The following FLT3 variants were observed in gnomAD, a reference collection of about 807,000 sequenced individuals.
The protein encoded by FLT3 is receptor-type tyrosine-protein kinase FLT3.
A neutral mutation model predicts 126.6 loss-of-function variants in FLT3; 46 were observed. The ratio of observed to expected loss-of-function variants is 0.36; its 90% CI spans 0.29 to 0.46. The LOEUF (loss-of-function observed/expected upper bound fraction) is 0.46, where lower values mean the gene tolerates loss of function less well. Ranked by LOEUF, FLT3 falls within the 20% of genes least tolerant of loss-of-function variation. The pLI, the probability that FLT3 is intolerant of heterozygous loss-of-function variation, is 1.00. For missense variants in FLT3, 1,069 were observed against 1,190.3 expected (o/e 0.90, Z 1.50); for synonymous variants, 404 against 434.4 (o/e 0.93, Z 0.87).
chr13:28,045,733 C>T (rs896786481), intron 9 of FLT3, among the ~76,000 whole-genome samples: 8 of 151,814 alleles, frequency 5.3e-5, no homozygotes, highest in African/African-American at 1.7e-4. Flanking sequence ...TGGTGGCATG[C>T]ACCTATAATC....
At chr13:28,015,527 G>GGGGGGGGGGC in intron 21 of FLT3, 63 bp downstream of exon 21, 1 of 644,478 alleles carries the variant, frequency 1.6e-6, no homozygotes, top group Non-Finnish European at 2.8e-6. Flanking sequence ...GGGTGGGGCG[G>GGGGGGGGGGC]CACCGAGAGA....
intron 1 of FLT3, among the ~76,000 whole-genome samples, chr13:28,087,798 C>G (rs952574554): frequency 6.6e-6 from 1 of 152,158 alleles, no homozygotes; most frequent in Non-Finnish European, 1.5e-5. Context: ...AATGTTTAAT[C>G]TGGTACTAAT....
At chr13:28,028,788 TTC>T (rs1873052903) in intron 15 of FLT3, among the ~76,000 whole-genome samples, 1 of 9,894 alleles carries the variant, frequency 1.0e-4, no homozygotes, top group Non-Finnish European at 3.7e-3. Context: ...TTTTCTTTCT[TTC>T]TTTTTTTTTG....
At chr13:28,032,006 G>A (rs184274107) in intron 15 of FLT3, among the ~76,000 whole-genome samples, 77 of 152,274 alleles carry the variant, frequency 5.1e-4, no homozygotes, top group Admixed American at 3.6e-3. Flanking sequence ...ATGGAGGGAC[G>A]AGGATGGAAT....
rs76935128 is a variant in FLT3, at chr13:28,098,762, C to G, written c.43+1706G>C. ...AAATAAATTATAAGATCTATTCATA[C>G]CACGGAATGGTACCAGCAATTAAAA... is the stretch of plus-strand genomic sequence containing the variant. On this transcript the variant is annotated intron_variant, in intron 1 of 23. Transcript: ENST00000241453. Among the ~76,000 whole-genome samples, 313 of 149,696 alleles carry G rather than the reference C, an allele frequency of 2.1e-3. 2 individuals carry two copies. Among genetic ancestry groups the G allele is most frequent in the African/African-American group, 7.6e-3 (299 of 39,384 alleles).
intron 2 of FLT3, among the ~76,000 whole-genome samples, chr13:28,069,055 C>T (rs752338662): frequency 6.6e-6 from 1 of 152,138 alleles, no homozygotes; most frequent in Non-Finnish European, 1.5e-5. Flanking sequence ...GGAGCCAGAG[C>T]CAGATTACTG....
intron 2 of FLT3, chr13:28,068,347 T>C (rs1311972597): frequency 6.6e-6 from 1 of 152,220 alleles, no homozygotes; most frequent in African/African-American, 2.4e-5. Context: ...GGTTTGGATG[T>C]GTGTCCCCTC....
At chr13:28,073,221 G>T (rs1177147296) in intron 1 of FLT3, among the ~76,000 whole-genome samples, 1 of 151,872 alleles carries the variant, frequency 6.6e-6, no homozygotes, top group Non-Finnish European at 1.5e-5. Context: ...TGCGCCTATA[G>T]TCCCAGCCCA....
intron 1 of FLT3, among the ~76,000 whole-genome samples, chr13:28,086,634 G>A (rs1878694393): frequency 1.3e-5 from 2 of 150,684 alleles, no homozygotes; most frequent in South Asian, 2.1e-4. Flanking sequence ...GTGTGTGTGT[G>A]TGTGTGTGTG....
At chr13:28,027,287 G>A in intron 16 of FLT3, 46 bp from the exon 17 acceptor site, 1 of 1,508,018 alleles carries the variant, frequency 6.6e-7, no homozygotes, top group Non-Finnish European at 9.1e-7. Context: ...AAAGCAAACT[G>A]TTATTTCAGA....
chr13:28,037,045 T>A, intron 10 of FLT3, 140 bp downstream of exon 10: 1 of 608,190 alleles, frequency 1.6e-6, no homozygotes, highest in Middle Eastern at 4.4e-4. Flanking sequence ...GATATGAGAG[T>A]AAAGTTTCAA....
chr13:28,061,523 T>C (rs1264353031), intron 3 of FLT3, among the ~76,000 whole-genome samples: 1 of 152,090 alleles, frequency 6.6e-6, no homozygotes, highest in Non-Finnish European at 1.5e-5. Context: ...CCCGGTACTT[T>C]TGAAGGCTGA....
intron 23 of FLT3, among the ~76,000 whole-genome samples, chr13:28,010,018 G>A (rs1593207528): frequency 6.6e-6 from 1 of 152,206 alleles, no homozygotes; most frequent in Admixed American, 6.5e-5. Flanking sequence ...TGCTCCCTCA[G>A]CGTGCCCATC....
chr13:28,012,707 G>C (rs561594463), intron 23 of FLT3, among the ~76,000 whole-genome samples: 3 of 152,060 alleles, frequency 2.0e-5, no homozygotes, highest in Non-Finnish European at 2.9e-5. Flanking sequence ...GGCTGAGGCA[G>C]GTGGACCACT....
At chr13:28,028,997 G>A (rs1015956141) in intron 15 of FLT3, among the ~76,000 whole-genome samples, 2 of 152,070 alleles carry the variant, frequency 1.3e-5, no homozygotes, top group African/African-American at 4.8e-5. Context: ...GCCCAGGCTG[G>A]TCTTGAACTC....
intron 23 of FLT3, among the ~76,000 whole-genome samples, chr13:28,011,757 C>G (rs1318104290): frequency 7.0e-6 from 1 of 142,720 alleles, no homozygotes; most frequent in Non-Finnish European, 1.5e-5. Flanking sequence ...TTCTCTCTTT[C>G]TCTTTCTTTC....
At chr13:28,041,372 A>G (rs1483801293) in intron 9 of FLT3, among the ~76,000 whole-genome samples, 1 of 152,214 alleles carries the variant, frequency 6.6e-6, no homozygotes, top group Non-Finnish European at 1.5e-5. Flanking sequence ...ACACCAGTCA[A>G]TTCAGTGGAA....
At chr13:28,092,660 C>G (rs192513051) in intron 1 of FLT3, among the ~76,000 whole-genome samples, 17 of 152,196 alleles carry the variant, frequency 1.1e-4, no homozygotes, top group Non-Finnish European at 2.2e-4. Context: ...TGCCATAGTT[C>G]TGTTGGCCCC....
intron 1 of FLT3, among the ~76,000 whole-genome samples, chr13:28,080,335 C>A (rs1354504320): frequency 6.6e-6 from 1 of 152,158 alleles, no homozygotes; most frequent in African/African-American, 2.4e-5. Context: ...GAGATCGCAC[C>A]ACTGCTCTCC....
Sources: gnomAD v4.1 joint callset for allele counts (sites outside exome capture counted in the v4.1 genomes callset) on GRCh38, gnomAD v4.1.1 for gene constraint, MANE v1.5 for transcripts, NCBI Gene and HGNC (gene_info 2026-07-23, HGNC 2026-07-21) for gene names.